Variants in NXN observed in about 807,000 individuals in gnomAD.
NXN encodes nucleoredoxin, also known as nucleoredoxin 1.
In NXN, 16 loss-of-function variants were observed where a neutral mutation model predicts 48.6. The ratio of observed to expected loss-of-function variants is 0.33; its 90% CI spans 0.22 to 0.50. NXN has a LOEUF of 0.50. Ranked by LOEUF, NXN falls within the 20% of genes least tolerant of loss-of-function variation. NXN has a pLI of 0.98. For synonymous variants in NXN, 281 were observed against 269.6 expected, an observed-to-expected ratio of 1.04 and a Z score of -0.41; for missense variants, 492 against 605.5, an observed-to-expected ratio of 0.81 and a Z score of 1.97.
chr17:888,059 C>G (rs1349129310), intron 1 of NXN, among the ~76,000 whole-genome samples: 1 of 152,112 alleles, frequency 6.6e-6, no homozygotes, highest in African/African-American at 2.4e-5. Context: ...CAGGAGTGTT[C>G]CTGTCTCCTC....
At position 979,539 on chromosome 17, in the gene NXN, G is replaced by A; in HGVS notation, c.140C>T (p.Ala47Val). ...GGCGGCCAGGCTGGCGCTGAGCTGC[G>A]CGCAGGGGGCGCTGAGGCTGCAGCC... ...YFGCSLSAPCAQLSASLAAFY... is the reference protein window; with the variant it reads ...YFGCSLSAPCVQLSASLAAFY... The change falls in exon 1 of 8, where the codon GCG becomes GTG. Residue 47 changes from alanine (A) to valine (V), a missense_variant. Ala to Val is a moderately conservative substitution (Grantham distance 64). Coordinates refer to ENST00000336868, the MANE Select transcript of NXN (RefSeq NM_022463.5). 1 of 1,336,866 alleles carries A rather than the reference G, an allele frequency of 7.5e-7. No homozygotes were observed. The highest frequency in any genetic ancestry group is 9.6e-7 in the Non-Finnish European group (1 of 1,037,228). The allele number at this position is 1,336,866 out of a possible 1,614,324, so 82.8% of individuals were successfully genotyped here. A position where few individuals can be genotyped will look rare whatever the true frequency, so the allele number is the denominator to read the frequency against.
chr17:802,921 A>AAACT (rs1348031642), intron 7 of NXN, among the ~76,000 whole-genome samples: 1 of 145,704 alleles, frequency 6.9e-6, no homozygotes, highest in African/African-American at 2.6e-5. Flanking sequence ...GCGGCCTCCA[A>AAACT]AACTGTCTGT....
chr17:826,217 G>C, intron 1 of NXN, 139 bp from the exon 2 acceptor site: 1 of 719,578 alleles, frequency 1.4e-6, no homozygotes, highest in South Asian at 1.5e-5. Flanking sequence ...ATGCCAAGCA[G>C]GGCTGCTGGG....
intron 1 of NXN, among the ~76,000 whole-genome samples, chr17:887,926 G>A (rs988527513): frequency 2.0e-5 from 3 of 152,114 alleles, no homozygotes; most frequent in Admixed American, 1.3e-4. Flanking sequence ...CAACCCACTA[G>A]CCGTGAGGTT....
chr17:924,229 G>A (rs1449313729), intron 1 of NXN, among the ~76,000 whole-genome samples: 1 of 88,992 alleles, frequency 1.1e-5, no homozygotes, highest in Non-Finnish European at 2.3e-5. Flanking sequence ...TTATTTATTT[G>A]GGACAGCTTA....
At chr17:972,166 G>A (rs1049102571) in intron 1 of NXN, among the ~76,000 whole-genome samples, 5 of 152,114 alleles carry the variant, frequency 3.3e-5, no homozygotes, top group African/African-American at 1.2e-4. Context: ...CGGGCGTGGT[G>A]GCACATGCGC....
At chr17:868,694 A>C (rs1040227574) in intron 1 of NXN, among the ~76,000 whole-genome samples, 11 of 152,082 alleles carry the variant, frequency 7.2e-5, no homozygotes, top group Admixed American at 1.3e-4. Context: ...GGGTTTCACC[A>C]CGTTAGCCAG....
chr17:906,572 G>GT (rs150140562), intron 1 of NXN, among the ~76,000 whole-genome samples: 82 of 145,950 alleles, frequency 5.6e-4, no homozygotes, highest in South Asian at 1.5e-3. Flanking sequence ...TGGTTTCTGG[G>GT]TTTTTTTTTT....
intron 1 of NXN, among the ~76,000 whole-genome samples, chr17:918,054 T>A (rs1482208319): frequency 6.6e-6 from 1 of 152,172 alleles, no homozygotes; most frequent in African/African-American, 2.4e-5. Context: ...AGTTTCAGTT[T>A]TAAAAGTTGT....
At chr17:862,790 G>A (rs1259362170) in intron 1 of NXN, among the ~76,000 whole-genome samples, 1 of 152,172 alleles carries the variant, frequency 6.6e-6, no homozygotes, top group African/African-American at 2.4e-5. Flanking sequence ...GGAGCTCTGC[G>A]GCATTCCTGC....
At chr17:897,737 A>G (rs1047064787) in intron 1 of NXN, among the ~76,000 whole-genome samples, 2 of 152,046 alleles carry the variant, frequency 1.3e-5, no homozygotes, top group African/African-American at 2.4e-5. Context: ...GTGCAGTGGC[A>G]CGATCTCGGC....
intron 1 of NXN, among the ~76,000 whole-genome samples, chr17:835,036 C>T (rs192776824): frequency 1.9e-4 from 28 of 150,910 alleles, no homozygotes; most frequent in South Asian, 4.3e-4. Context: ...AGGCCTGGCG[C>T]GGTGGCTCAC....
At chr17:807,919 T>G (rs1487851429) in intron 5 of NXN, among the ~76,000 whole-genome samples, 3 of 152,180 alleles carry the variant, frequency 2.0e-5, no homozygotes, top group Non-Finnish European at 4.4e-5. Context: ...TGGCTAATCC[T>G]TATCACAGAT....
Position 805,223 on chromosome 17 carries a change from T to C in NXN, c.845A>G (p.Asp282Gly). 6.2e-7 allele frequency: 1 copy of C among 1,611,564 alleles called. No individual in the cohort carries two copies. Among genetic ancestry groups the C allele is most frequent in the African/African-American group, 1.3e-5 (1 of 74,968 alleles). The change falls in exon 6 of 8, where the codon GAC becomes GGC. Residue 282 changes from aspartate to glycine, a missense_variant. Physicochemically the swap from Asp to Gly is moderately conservative, Grantham distance 94. Transcript: ENST00000336868. ...IQGIPTLIMLDPQGEVITRQG... is the reference protein window; with the variant it reads ...IQGIPTLIMLGPQGEVITRQG... The stretch of plus-strand genomic sequence containing the variant: ...CCGCGTGATCACCTCGCCCTGCGGG[T>C]CCAGCATGATGAGCGTGGGGATGCC...
intron 1 of NXN, among the ~76,000 whole-genome samples, chr17:860,117 TTTATTA>T (rs140407900): frequency 5.3e-5 from 8 of 151,246 alleles, no homozygotes; most frequent in Non-Finnish European, 1.0e-4. Context: ...CTTTAAAAAA[TTTATTA>T]TTATTATTAT....
intron 1 of NXN, among the ~76,000 whole-genome samples, chr17:918,945 G>A (rs1183429477): frequency 1.3e-5 from 2 of 151,314 alleles, no homozygotes; most frequent in African/African-American, 4.9e-5. Context: ...TGCGCCTGTA[G>A]TCCCAGCTAC....
intron 1 of NXN, among the ~76,000 whole-genome samples, chr17:955,202 C>G (rs2069152801): frequency 6.9e-6 from 1 of 144,152 alleles, no homozygotes; most frequent in South Asian, 2.2e-4. Flanking sequence ...GAGTCTCGCT[C>G]TGTCACCCAG....
rs1177284559 is a variant in NXN at position 854,484 on chromosome 17, T to TA, written c.361-28407dup. Among the ~76,000 whole-genome samples, 1,244 of 136,768 alleles carry TA rather than the reference T, an allele frequency of 9.1e-3. 11 individuals are homozygous for TA. Among genetic ancestry groups the TA allele is most frequent in the East Asian group, 0.038 (177 of 4,636 alleles). 89.7% of individuals were successfully genotyped at this position (136,768 alleles called of 152,430 possible). On this transcript the variant is annotated intron_variant, in intron 1 of 7. Coordinates refer to ENST00000336868, the MANE Select transcript of NXN (RefSeq NM_022463.5). The stretch of plus-strand genomic sequence containing the variant: ...TAACACGGTGAAACCCTGTCTCTAC[T>TA]AAAAAAAAAAAATACAAAAAATTAG...
At chr17:814,835 G>A (rs140368136) in intron 5 of NXN, among the ~76,000 whole-genome samples, 24,210 of 151,894 alleles carry the variant, frequency 0.16, 2,077 homozygotes, top group African/African-American at 0.22. Context: ...GTGTGATCTC[G>A]GCTCACTACA....
Sources: gnomAD v4.1 joint callset for allele counts (sites outside exome capture counted in the v4.1 genomes callset) on GRCh38, gnomAD v4.1.1 for gene constraint, MANE v1.5 for transcripts, NCBI Gene and HGNC (gene_info 2026-07-23, HGNC 2026-07-21) for gene names.